PTPRN2: variants seen among roughly 807,000 people sequenced by gnomAD.
The protein encoded by PTPRN2 is receptor-type tyrosine-protein phosphatase N2.
Under a neutral mutation model 118.8 loss-of-function variants are expected in PTPRN2, and 74 were observed. The observed-to-expected ratio is 0.62, with a 90% confidence interval of 0.52 to 0.76. PTPRN2 has a LOEUF of 0.76. Ranked by LOEUF, PTPRN2 falls within the 30% of genes least tolerant of loss-of-function variation. The pLI is 0.00. For missense variants in PTPRN2, 1,481 were observed against 1,394.4 expected, an observed-to-expected ratio of 1.06 and a Z score of -0.99; for synonymous variants, 641 against 608.0, an observed-to-expected ratio of 1.05 and a Z score of -0.80.
At chr7:157,692,602 C>T (rs751735797) in intron 12 of PTPRN2, among the ~76,000 whole-genome samples, 2 of 152,226 alleles carry the variant, frequency 1.3e-5, no homozygotes, top group Non-Finnish European at 2.9e-5. Context: ...AGGGCAAGGC[C>T]AGAGCGCTTC....
In PTPRN2 at chr7:158,131,086, C is replaced by T. The variant is rs555524639; in HGVS notation, c.1556+2591G>A. Among the ~76,000 whole-genome samples the T allele has an allele frequency of 6.0e-3, 893 of 149,738 alleles. 7 individuals are homozygous for T. Among genetic ancestry groups the T allele is most frequent in the African/African-American group, 0.021 (852 of 40,532 alleles). On this transcript the variant is annotated intron_variant, in intron 9 of 22. Transcript: ENST00000389418. ...CCCAACACACACACTTATACACACA[C>T]GCACATACACAGATACACATCTACC...
chr7:158,186,321 C>G (rs1477325200), intron 5 of PTPRN2, among the ~76,000 whole-genome samples: 1 of 151,982 alleles, frequency 6.6e-6, no homozygotes, highest in Non-Finnish European at 1.5e-5. Flanking sequence ...TCTCCTGGGG[C>G]TCACTCGTGT....
At chr7:158,397,124 TA>T (rs1308334800) in intron 2 of PTPRN2, among the ~76,000 whole-genome samples, 1 of 152,242 alleles carries the variant, frequency 6.6e-6, no homozygotes, top group African/African-American at 2.4e-5. Context: ...CTCCCTGATT[TA>T]AACTATGCCT....
intron 2 of PTPRN2, among the ~76,000 whole-genome samples, chr7:158,374,689 G>A (rs138085488): frequency 1.6e-4 from 24 of 152,284 alleles, no homozygotes; most frequent in African/African-American, 5.5e-4. Flanking sequence ...ATGGAGGCTG[G>A]AGGCAGAAAT....
intron 5 of PTPRN2, among the ~76,000 whole-genome samples, chr7:158,188,766 A>ATGGGGAAGGCCGCCACGCTCG (rs1563578305): frequency 1.1e-4 from 16 of 151,082 alleles, no homozygotes; most frequent in African/African-American, 1.9e-4. Flanking sequence ...CGCCACGCTC[A>ATGGGGAAGGCCGCCACGCTCG]CCCGCTGTAT....
rs1490344924 is a variant in PTPRN2 at position 157,800,990 on chromosome 7, C to CAT, written c.1788+97681_1788+97682dup. ...ATATACATATATATATATACACACA[C>CAT]ATATATATACACACATATACATATA... On this transcript the variant is annotated intron_variant, in intron 12 of 22. Coordinates refer to ENST00000389418, the MANE Select transcript of PTPRN2 (RefSeq NM_002847.5). Among the ~76,000 whole-genome samples the CAT allele has an allele frequency of 4.6e-5, 7 of 150,902 alleles. No individual in the cohort carries two copies. The East Asian group carries it at 1.2e-3, about 25-fold the overall frequency.
intron 10 of PTPRN2, among the ~76,000 whole-genome samples, chr7:158,096,599 C>T (rs1016955853): frequency 1.3e-5 from 2 of 152,224 alleles, no homozygotes; most frequent in African/African-American, 4.8e-5. Context: ...CTTGACATTC[C>T]TTATTTCCAG....
intron 13 of PTPRN2, among the ~76,000 whole-genome samples, chr7:157,673,926 G>C (rs1796535535): frequency 6.6e-6 from 1 of 152,194 alleles, no homozygotes; most frequent in African/African-American, 2.4e-5. Flanking sequence ...TCTGATGTAA[G>C]ATCAAGTTCT....
intron 1 of PTPRN2, among the ~76,000 whole-genome samples, chr7:158,551,290 C>A (rs944146465): frequency 4.6e-5 from 7 of 152,226 alleles, no homozygotes; most frequent in Non-Finnish European, 1.0e-4. Context: ...TGCCTCAGAG[C>A]CACTCTCGTG....
At chr7:157,872,806 C>T (rs1317808672) in intron 12 of PTPRN2, among the ~76,000 whole-genome samples, 1 of 152,252 alleles carries the variant, frequency 6.6e-6, no homozygotes, top group African/African-American at 2.4e-5. Flanking sequence ...AGAGTTTCCT[C>T]AGCTTCCTGG....
chr7:158,325,922 G>C (rs932417823), intron 2 of PTPRN2, among the ~76,000 whole-genome samples: 1 of 152,234 alleles, frequency 6.6e-6, no homozygotes, highest in Admixed American at 6.5e-5. Context: ...AAAAGGAACG[G>C]GCAGTCAGTC....
At chr7:158,074,150 C>T (rs963244508) in intron 11 of PTPRN2, among the ~76,000 whole-genome samples, 2 of 152,218 alleles carry the variant, frequency 1.3e-5, no homozygotes, top group Non-Finnish European at 2.9e-5. Flanking sequence ...CCACAGTGTG[C>T]TCCATGACCG....
chr7:157,924,115 G>C, intron 11 of PTPRN2, among the ~76,000 whole-genome samples: 1 of 152,182 alleles, frequency 6.6e-6, no homozygotes, highest in Non-Finnish European at 1.5e-5. Flanking sequence ...CCGGTCCTGA[G>C]TGTTTCAGAA....
At chr7:158,131,329 T>TA (rs1327886868) in intron 9 of PTPRN2, among the ~76,000 whole-genome samples, 3 of 74,082 alleles carry the variant, frequency 4.0e-5, no homozygotes, top group African/African-American at 2.6e-4. Context: ...ACATACACAC[T>TA]CATACACATG....
intron 1 of PTPRN2, among the ~76,000 whole-genome samples, chr7:158,559,845 C>A (rs140451066): frequency 6.6e-6 from 1 of 152,336 alleles, no homozygotes; most frequent in East Asian, 1.9e-4. Context: ...GTTGTCTCCC[C>A]ACTTACATAT....
intron 11 of PTPRN2, among the ~76,000 whole-genome samples, chr7:158,019,902 T>G (rs954341786): frequency 9.2e-5 from 14 of 152,232 alleles, no homozygotes; most frequent in African/African-American, 2.2e-4. Context: ...GGTTTTCCAC[T>G]GTTTTACCAG....
intron 2 of PTPRN2, among the ~76,000 whole-genome samples, chr7:158,327,281 A>G (rs958641333): frequency 6.7e-6 from 1 of 149,900 alleles, no homozygotes; most frequent in Non-Finnish European, 1.5e-5. Context: ...GTGCTCACAC[A>G]TGCTCACACA....
chr7:157,987,471 G>A lies in PTPRN2; in HGVS notation c.1724-88734C>T, dbSNP rs1012364523. The stretch of plus-strand genomic sequence containing the variant: ...GTCATTAATGGGGGCGTAGTGTCCG[G>A]TCACTAATAGGGTGTGATGACCTGT... On this transcript the variant is annotated intron_variant, in intron 11 of 22. Transcript: ENST00000389418. This position sits in a 1 kb window ranked among gnomAD's most constrained non-coding sequence, Gnocchi z 4.3. Among the ~76,000 whole-genome samples, 2 of 152,082 alleles carry A rather than the reference G, an allele frequency of 1.3e-5. No individual in the cohort carries two copies. The highest frequency in any genetic ancestry group is 2.4e-5 in the African/African-American group (1 of 41,398).
intron 12 of PTPRN2, among the ~76,000 whole-genome samples, chr7:157,888,752 G>A (rs533379879): frequency 2.0e-5 from 3 of 152,276 alleles, no homozygotes; most frequent in South Asian, 4.1e-4. Flanking sequence ...GACGGGGGCC[G>A]CCATGTCCCA....
Sources: allele counts gnomAD v4.1 joint callset (sites outside exome capture counted in the v4.1 genomes callset), GRCh38; gene constraint gnomAD v4.1.1; non-coding constraint Gnocchi (gnomAD v3.1); transcripts MANE v1.5; gene names NCBI Gene and HGNC (gene_info 2026-07-23, HGNC 2026-07-21).